PRTFDC1: variants seen among roughly 807,000 people sequenced by gnomAD.
PRTFDC1 encodes the protein phosphoribosyl transferase domain containing 1, also known as phosphoribosyltransferase domain-containing protein 1.
Under a neutral mutation model 34.6 loss-of-function variants are expected in PRTFDC1, and 38 were observed. The ratio of observed to expected loss-of-function variants is 1.10; its 90% confidence interval spans 0.85 to 1.44. The LOEUF is 1.44. Among genes scored for constraint, PRTFDC1 ranks in the 40% most tolerant of loss-of-function variants. PRTFDC1 has a pLI of 0.00. For synonymous variants in PRTFDC1, 93 were observed against 98.1 expected (o/e 0.95, Z 0.31); for missense variants, 270 against 283.0 (o/e 0.95, Z 0.33).
At chr10:24,894,076 T>C (rs1004982630) in intron 3 of PRTFDC1, among the ~76,000 whole-genome samples, 2 of 152,130 alleles carry the variant, frequency 1.3e-5, no homozygotes, top group Non-Finnish European at 2.9e-5. Context: ...CTCACGCCTG[T>C]AATCCCAGCA....
intron 1 of PRTFDC1, chr10:24,951,664 C>T: frequency 2.1e-6 from 2 of 953,530 alleles, no homozygotes; most frequent in Non-Finnish European, 2.5e-6. Flanking sequence ...TTGAGTTTCA[C>T]ACTGAACCTG....
chr10:24,873,336 C>T (rs1847908814), intron 3 of PRTFDC1, among the ~76,000 whole-genome samples: 1 of 152,172 alleles, frequency 6.6e-6, no homozygotes, highest in South Asian at 2.1e-4. Context: ...GTCTCCCAGC[C>T]TCATTACAGA....
At chr10:24,865,090 T>C (rs894199836) in intron 4 of PRTFDC1, among the ~76,000 whole-genome samples, 9 of 152,138 alleles carry the variant, frequency 5.9e-5, no homozygotes, top group Admixed American at 1.3e-4. Context: ...CACTCCAGCC[T>C]GGGTGACAGA....
At chr10:24,931,926 C>A (rs11014304) in intron 3 of PRTFDC1, among the ~76,000 whole-genome samples, 3,211 of 129,444 alleles carry the variant, frequency 0.025, 104 homozygotes, top group African/African-American at 0.078. Context: ...AAAAAAAAAA[C>A]AAAAAACTAT....
intron 5 of PRTFDC1, among the ~76,000 whole-genome samples, chr10:24,857,321 G>T (rs1291737794): frequency 6.6e-6 from 1 of 152,148 alleles, no homozygotes; most frequent in Non-Finnish European, 1.5e-5. Flanking sequence ...ACTAAATTTG[G>T]CCCTGAGTTT....
At chr10:24,940,640 T>C (rs568914783) in intron 2 of PRTFDC1, among the ~76,000 whole-genome samples, 15 of 152,322 alleles carry the variant, frequency 9.8e-5, no homozygotes, top group East Asian at 3.9e-4. Flanking sequence ...TGGAAAATAA[T>C]TGGCAGTTTC....
intron 3 of PRTFDC1, among the ~76,000 whole-genome samples, chr10:24,890,191 A>G (rs1323656232): frequency 6.6e-6 from 1 of 152,226 alleles, no homozygotes; most frequent in Non-Finnish European, 1.5e-5. Flanking sequence ...GCTGTGTCTG[A>G]CTTAGGTTGT....
At chr10:24,853,769 T>C (rs1017878341) in intron 7 of PRTFDC1, among the ~76,000 whole-genome samples, 48 of 152,122 alleles carry the variant, frequency 3.2e-4, no homozygotes, top group Admixed American at 2.5e-3. Flanking sequence ...TGAGATGTCA[T>C]AGAATAAAAG....
At chr10:24,905,480 T>C (rs1358312886) in intron 3 of PRTFDC1, among the ~76,000 whole-genome samples, 1 of 151,812 alleles carries the variant, frequency 6.6e-6, no homozygotes, top group Non-Finnish European at 1.5e-5. Flanking sequence ...TGCCACCACT[T>C]CCAGCTAATT....
chr10:24,937,437 C>T (rs1467972271), intron 2 of PRTFDC1, 70 bp from the exon 3 acceptor site: 5 of 1,392,232 alleles, frequency 3.6e-6, no homozygotes, highest in African/African-American at 2.9e-5. Context: ...TAATGAAATG[C>T]AAGATGTATT....
chr10:24,880,931 C>G (rs1316907809), intron 3 of PRTFDC1, among the ~76,000 whole-genome samples: 2 of 145,098 alleles, frequency 1.4e-5, no homozygotes, highest in Non-Finnish European at 3.0e-5. Flanking sequence ...CTCTTTCTTT[C>G]CCCTTTCTTT....
At chr10:24,851,566 T>TTTATAAGAA in intron 7 of PRTFDC1, 102 bp from the exon 8 acceptor site, 1 of 1,508,320 alleles carries the variant, frequency 6.6e-7, no homozygotes, top group Non-Finnish European at 8.8e-7. Flanking sequence ...TGAGGACCTT[T>TTTATAAGAA]CATTGAGGCA....
At chr10:24,894,950 G>A (rs1848325519) in intron 3 of PRTFDC1, among the ~76,000 whole-genome samples, 1 of 152,114 alleles carries the variant, frequency 6.6e-6, no homozygotes, top group African/African-American at 2.4e-5. Context: ...AAGGAAACCA[G>A]GTTAAACTCA....
At chr10:24,921,261 C>A (rs184765099) in intron 3 of PRTFDC1, among the ~76,000 whole-genome samples, 64 of 152,190 alleles carry the variant, frequency 4.2e-4, no homozygotes, top group African/African-American at 1.4e-3. Context: ...TTTCTCAGAT[C>A]TCTTACACAC....
intron 4 of PRTFDC1, 30 bp from the exon 5 acceptor site, chr10:24,858,439 T>C (rs1847619402): frequency 7.4e-6 from 12 of 1,610,984 alleles, no homozygotes; most frequent in Non-Finnish European, 7.6e-6. Flanking sequence ...TATTTTAGAA[T>C]GTGATGCCAA....
In PRTFDC1 at chr10:24,952,538, C is replaced by T. The variant is rs138349148; in HGVS notation, c.38G>A (p.Arg13Gln). 377 of 1,589,914 alleles carry T rather than the reference C, an allele frequency of 2.4e-4. No individual in the cohort carries two copies. Among genetic ancestry groups the T allele is most frequent in the Admixed American group, 9.1e-4 (52 of 56,902 alleles). ...GSSEEAPDYG[R>Q]GVVIMDDWPG... is the part of the protein sequence containing the mutation. Reference sequence around the variant, plus strand: ...GGAGTTTGCATTTACCACGACGCCTCGCCCGTAGTCTGGCGCCTCCTCGCT... The same window carrying T: ...GGAGTTTGCATTTACCACGACGCCTTGCCCGTAGTCTGGCGCCTCCTCGCT... The change falls in exon 1 of 9, where the codon CGA becomes CAA. Residue 13 changes from arginine (R) to glutamine (Q), a missense_variant. Coordinates refer to ENST00000320152, the MANE Select transcript of PRTFDC1 (RefSeq NM_020200.7). The surrounding 1 kb of genome is among the most constrained non-coding windows in gnomAD (Gnocchi z 5.1).
intron 3 of PRTFDC1, among the ~76,000 whole-genome samples, chr10:24,895,688 GATAT>G (rs762084915): frequency 0.039 from 1,835 of 47,378 alleles, 34 homozygotes; most frequent in African/African-American, 0.072. Flanking sequence ...AGCTGGGGTG[GATAT>G]ATATATATAT....
intron 1 of PRTFDC1, among the ~76,000 whole-genome samples, chr10:24,950,050 C>G (rs1037394909): frequency 2.6e-5 from 4 of 152,082 alleles, no homozygotes; most frequent in Non-Finnish European, 5.9e-5. Flanking sequence ...TCTCTTGATA[C>G]CCCTCTCACT....
intron 2 of PRTFDC1, among the ~76,000 whole-genome samples, chr10:24,937,836 G>A (rs540888243): frequency 2.6e-5 from 4 of 152,142 alleles, no homozygotes; most frequent in South Asian, 2.1e-4. Context: ...GGGATTACAG[G>A]CATGAGCCAC....
Sources: allele counts gnomAD v4.1 joint callset (sites outside exome capture counted in the v4.1 genomes callset), GRCh38; gene constraint gnomAD v4.1.1; non-coding constraint Gnocchi (gnomAD v3.1); transcripts MANE v1.5; gene names NCBI Gene and HGNC (gene_info 2026-07-23, HGNC 2026-07-21).